The following TBC1D22B variants were observed in gnomAD, a reference collection of about 807,000 sequenced individuals.
TBC1D22B encodes the protein TBC1 domain family member 22B, also known as chromosome 6 open reading frame 197.
A neutral mutation model predicts 69.1 loss-of-function variants in TBC1D22B; 32 were observed. The observed-to-expected ratio is 0.46, with a 90% CI of 0.35 to 0.62. The LOEUF (loss-of-function observed/expected upper bound fraction) is 0.62, where lower values mean the gene tolerates loss of function less well. TBC1D22B is among the 20% of genes least tolerant of loss of function. TBC1D22B has a pLI of 0.00. For synonymous variants in TBC1D22B, 206 were observed against 229.8 expected, an observed-to-expected ratio of 0.90 and a Z score of 0.94; for missense variants, 462 against 630.9, an observed-to-expected ratio of 0.73 and a Z score of 2.87.
chr6:37,259,811 A>G (rs1432924104), intron 1 of TBC1D22B, among the ~76,000 whole-genome samples: 3 of 152,232 alleles, frequency 2.0e-5, no homozygotes, highest in African/African-American at 7.2e-5. Context: ...GAAATGAGAA[A>G]TAAAAATACT....
intron 7 of TBC1D22B, among the ~76,000 whole-genome samples, chr6:37,290,783 G>A (rs990871057): frequency 1.1e-4 from 16 of 152,058 alleles, no homozygotes. Flanking sequence ...CAGGGAGAGG[G>A]GAGGGTGGTA....
At chr6:37,309,409 A>G (rs115713207) in intron 8 of TBC1D22B, among the ~76,000 whole-genome samples, 26 of 152,254 alleles carry the variant, frequency 1.7e-4, no homozygotes, top group Admixed American at 4.6e-4. Context: ...TTGTATTTGC[A>G]TTGCAATGTT....
At chr6:37,330,899 G>A (rs36056738) in intron 12 of TBC1D22B, 145 bp from the exon 13 acceptor site, 28,028 of 796,028 alleles carry the variant, frequency 0.035, 567 homozygotes, top group Non-Finnish European at 0.047. Context: ...GCTGTGTACT[G>A]TTTGGGAGGA....
intron 8 of TBC1D22B, among the ~76,000 whole-genome samples, chr6:37,309,547 CT>C (rs1237575983): frequency 1.3e-5 from 2 of 152,104 alleles, no homozygotes; most frequent in Admixed American, 1.3e-4. Context: ...GTGGGTTTCA[CT>C]TTTTTCCAAC....
Position 37,287,043 on chromosome 6 carries a change from C to G in TBC1D22B, c.838C>G (p.Pro280Ala). 3 of 1,603,996 alleles carry G rather than the reference C, an allele frequency of 1.9e-6. No individual in the cohort carries two copies. Among genetic ancestry groups the G allele is most frequent in the South Asian group, 1.1e-5 (1 of 88,938 alleles). ...IDIPRTNPLIPLFQQPLVQEI... is the reference protein window; with the variant it reads ...IDIPRTNPLIALFQQPLVQEI... ...CATTCCAAGGACGAATCCTCTCATTCCGTTGTTCCAGCAACCACTTGTACA... is the reference window on the plus strand; with the variant it reads ...CATTCCAAGGACGAATCCTCTCATTGCGTTGTTCCAGCAACCACTTGTACA... The change falls in exon 7 of 13, where the codon CCG becomes GCG. Residue 280 changes from proline to alanine, a missense_variant. Around this residue, in one of 2 missense-constraint regions of TBC1D22B, gnomAD observed 225 missense variants for 375.4 expected, o/e 0.60. Coordinates refer to ENST00000373491, the MANE Select transcript of TBC1D22B (RefSeq NM_017772.4).
intron 8 of TBC1D22B, among the ~76,000 whole-genome samples, chr6:37,298,767 G>C (rs553414653): frequency 2.0e-5 from 3 of 152,048 alleles, no homozygotes; most frequent in African/African-American, 7.2e-5. Flanking sequence ...GGATGGTCTC[G>C]ATCTCCTGAC....
chr6:37,304,743 A>G (rs1434606451), intron 8 of TBC1D22B, among the ~76,000 whole-genome samples: 2 of 152,210 alleles, frequency 1.3e-5, no homozygotes, highest in Non-Finnish European at 2.9e-5. Flanking sequence ...GACTCATAGA[A>G]CTGTGCACAT....
At chr6:37,327,586 A>G (rs948718731) in intron 12 of TBC1D22B, among the ~76,000 whole-genome samples, 2 of 152,176 alleles carry the variant, frequency 1.3e-5, no homozygotes, top group African/African-American at 4.8e-5. Flanking sequence ...CTGAGGCCAG[A>G]ATAGAACCAA....
chr6:37,279,996 T>C (rs1766776741), intron 3 of TBC1D22B, among the ~76,000 whole-genome samples: 1 of 152,232 alleles, frequency 6.6e-6, no homozygotes, highest in Non-Finnish European at 1.5e-5. Flanking sequence ...ATTTCACAAT[T>C]GTTTGGCACT....
In TBC1D22B at chr6:37,331,193, C is replaced by G; in HGVS notation, c.*21C>G. On this transcript the variant is annotated 3_prime_UTR_variant, in exon 13 of 13. Transcript: ENST00000373491. ...GATAGGTGCTGTCTCCTCCGGGGAC[C>G]CAGACTGCCTTCATCTCTGATGGCA... 1 of 1,613,030 alleles carries G rather than the reference C, an allele frequency of 6.2e-7. No individual in the cohort carries two copies. The highest frequency in any genetic ancestry group is 8.5e-7 in the Non-Finnish European group (1 of 1,179,264).
chr6:37,300,636 A>G (rs1020111912), intron 8 of TBC1D22B, among the ~76,000 whole-genome samples: 1 of 152,170 alleles, frequency 6.6e-6, no homozygotes, highest in Non-Finnish European at 1.5e-5. Context: ...CACCGGGATT[A>G]CAGGCATGAG....
intron 6 of TBC1D22B, among the ~76,000 whole-genome samples, chr6:37,284,816 A>ATGC (rs1222878064): frequency 6.6e-6 from 1 of 152,158 alleles, no homozygotes; most frequent in African/African-American, 2.4e-5. Context: ...CTCCCTTGCA[A>ATGC]TGCTGCTGCT....
chr6:37,327,488 A>AT (rs1768455872), intron 12 of TBC1D22B, among the ~76,000 whole-genome samples: 1 of 149,092 alleles, frequency 6.7e-6, no homozygotes, highest in Non-Finnish European at 1.5e-5. Flanking sequence ...AAAAAAAAAA[A>AT]AAAAAAAAAA....
chr6:37,306,323 A>G (rs1364246118), intron 8 of TBC1D22B, among the ~76,000 whole-genome samples: 1 of 152,230 alleles, frequency 6.6e-6, no homozygotes. Context: ...ATGTTGAGGT[A>G]GCCAACATAT....
At chr6:37,259,075 C>T (rs1765970183) in intron 1 of TBC1D22B, among the ~76,000 whole-genome samples, 1 of 145,904 alleles carries the variant, frequency 6.9e-6, no homozygotes, top group African/African-American at 2.6e-5. Flanking sequence ...CAGGGCTGGT[C>T]TCTGACTCCT....
In TBC1D22B at chr6:37,317,332, G is replaced by T. The variant is rs1038804177; in HGVS notation, c.1389+126G>T. 5 of 915,692 alleles carry T rather than the reference G, an allele frequency of 5.5e-6. No homozygotes were observed. The African/African-American group carries it at 6.6e-5, about 12-fold the overall frequency. The allele number at this position is 915,692 out of a possible 1,614,324, so 56.7% of individuals were successfully genotyped here. Reference sequence around the variant, plus strand: ...GGCTGGGAGTAGGAAGGGAGAAGGGGTGCTCTGAAGGGGTCGTCCCTCTTA... The same window carrying T: ...GGCTGGGAGTAGGAAGGGAGAAGGGTTGCTCTGAAGGGGTCGTCCCTCTTA... On this transcript the variant is annotated intron_variant, in intron 12 of 12. Transcript: ENST00000373491.
chr6:37,287,724 G>A (rs2748332), intron 7 of TBC1D22B, among the ~76,000 whole-genome samples: 133,510 of 152,240 alleles, frequency 0.88, 58,581 homozygotes, highest in South Asian at 0.92. Flanking sequence ...TTAAGGCTGA[G>A]TAATATTCCG....
intron 2 of TBC1D22B, among the ~76,000 whole-genome samples, chr6:37,273,456 G>C (rs1766565242): frequency 6.6e-6 from 1 of 152,174 alleles, no homozygotes; most frequent in African/African-American, 2.4e-5. Flanking sequence ...TACCTTGTCT[G>C]CACCTATCAT....
chr6:37,274,693 G>T (rs1766606394), intron 2 of TBC1D22B, among the ~76,000 whole-genome samples: 1 of 152,206 alleles, frequency 6.6e-6, no homozygotes, highest in African/African-American at 2.4e-5. Context: ...GTTGTAAGGA[G>T]GTATGGTGAA....
Sources: gnomAD v4.1 joint callset for allele counts (sites outside exome capture counted in the v4.1 genomes callset) on GRCh38, gnomAD v4.1.1 for gene constraint, gnomAD v4.1.1 regional missense constraint, MANE v1.5 for transcripts, NCBI Gene and HGNC (gene_info 2026-07-23, HGNC 2026-07-21) for gene names.